The following CRMP1 variants were observed in gnomAD, a reference collection of about 807,000 sequenced individuals.
CRMP1 encodes dihydropyrimidinase-related protein 1.
In CRMP1, 19 loss-of-function variants were observed where a neutral mutation model predicts 68.3. That is an observed-to-expected ratio of 0.28 (90% CI 0.19 to 0.41). CRMP1 has a LOEUF of 0.41. Ranked by LOEUF, CRMP1 falls within the 10% of genes least tolerant of loss-of-function variation. The pLI is 1.00. For missense variants in CRMP1, 791 were observed against 967.4 expected, an observed-to-expected ratio of 0.82 and a Z score of 2.42; for synonymous variants, 439 against 399.6, an observed-to-expected ratio of 1.10 and a Z score of -1.18.
chr4:5,829,330 A>AG (rs1560485620), intron 11 of CRMP1, among the ~76,000 whole-genome samples: 1 of 152,166 alleles, frequency 6.6e-6, no homozygotes, highest in East Asian at 1.9e-4. Flanking sequence ...TGGAGGTTGC[A>AG]GTGAGCCGAG....
chr4:5,861,173 T>TCACTC lies in CRMP1; in HGVS notation c.503_507dup (p.Lys170GlufsTer2). On this transcript the variant is annotated frameshift_variant, in exon 3 of 14. Coordinates refer to ENST00000324989, the MANE Select transcript of CRMP1 (RefSeq NM_001014809.3). LOFTEE classifies it high-confidence loss of function. This position sits in a 1 kb window ranked among gnomAD's most constrained non-coding sequence, Gnocchi z 6.0. ...ATCCGCCCGTTGGCTTCAATGGTCT[T>TCACTC]CACTCCACCAGGAACGATTAAGTTC... is the stretch of plus-strand genomic sequence containing the variant. 1 of 1,614,182 alleles carries TCACTC rather than the reference T, an allele frequency of 6.2e-7. No homozygotes were observed.
At position 5,890,424 on chromosome 4, in the gene CRMP1, C is replaced by CG. The variant is rs35389240; in HGVS notation, c.381+2164dup. On this transcript the variant is annotated intron_variant, in intron 1 of 13. Transcript: ENST00000324989. The surrounding 1 kb of genome is among the most constrained non-coding windows in gnomAD (Gnocchi z 5.5). ...GCAGCCCAGGGAGAAGCCTGGTGGG[C>CG]GGGGGGGGAAGGGCCGGGGCACCCG... is the stretch of plus-strand genomic sequence containing the variant. Among the ~76,000 whole-genome samples, 537 of 151,460 alleles carry CG rather than the reference C, an allele frequency of 3.5e-3. 3 individuals carry two copies. The highest frequency in any genetic ancestry group is 0.01 in the African/African-American group (433 of 41,384).
intron 1 of CRMP1, among the ~76,000 whole-genome samples, chr4:5,868,288 T>C (rs1235481234): frequency 8.9e-6 from 1 of 112,624 alleles, no homozygotes; most frequent in Non-Finnish European, 1.8e-5. Flanking sequence ...TATATATATA[T>C]ATATATATAT....
chr4:5,836,130 C>A, intron 10 of CRMP1, 45 bp from the exon 11 acceptor site: 1 of 1,391,156 alleles, frequency 7.2e-7, no homozygotes, highest in Non-Finnish European at 9.4e-7. Context: ...CATAATGGGG[C>A]CAGGAGGAGG....
At position 5,891,777 on chromosome 4, in the gene CRMP1, TGG is replaced by T. The variant is rs1715961896; in HGVS notation, c.381+810_381+811del. ...ATCCGCCCTTCTTCCCCCAGTTTCC[TGG>T]TGACCCCCAGCTCAAGAGAGAATAC... On this transcript the variant is annotated intron_variant, in intron 1 of 13. Transcript: ENST00000324989. The surrounding 1 kb of genome is among the most constrained non-coding windows in gnomAD (Gnocchi z 5.2). 6.6e-6 allele frequency among the ~76,000 whole-genome samples: 1 copy of T among 152,190 alleles called. No individual in the cohort carries two copies. Among genetic ancestry groups the T allele is most frequent in the Non-Finnish European group, 1.5e-5 (1 of 68,042 alleles).
In CRMP1 at chr4:5,874,183, C is replaced by T. The variant is rs150318155; in HGVS notation, c.382-7427G>A. Among the ~76,000 whole-genome samples, 22 of 152,302 alleles carry T rather than the reference C, an allele frequency of 1.4e-4. No individual in the cohort carries two copies. The East Asian group carries it at 3.9e-3, about 27-fold the overall frequency. ...CAAAACAGGGTCACAAAATGATACA[C>T]AAAGATGCGATCCAGAATTAATTAC... On this transcript the variant is annotated intron_variant, in intron 1 of 13. Coordinates refer to ENST00000324989, the MANE Select transcript of CRMP1 (RefSeq NM_001014809.3).
At chr4:5,851,619 G>C (rs554953836) in intron 4 of CRMP1, 150 bp from the exon 5 acceptor site, 1 of 751,694 alleles carries the variant, frequency 1.3e-6, no homozygotes, top group East Asian at 2.6e-5. Context: ...TCCAGCCTGA[G>C]GATGTGGGCG....
chr4:5,857,895 T>A (rs1408812633), intron 3 of CRMP1, among the ~76,000 whole-genome samples: 1 of 152,106 alleles, frequency 6.6e-6, no homozygotes, highest in Non-Finnish European at 1.5e-5. Context: ...CTGCAGTCAG[T>A]CTTTTAAACC....
chr4:5,864,721 G>A (rs745339906), intron 2 of CRMP1, among the ~76,000 whole-genome samples: 2 of 152,168 alleles, frequency 1.3e-5, no homozygotes, highest in African/African-American at 4.8e-5. Context: ...GGAGTCGCAT[G>A]AGCAGGGCCC....
At position 5,821,765 on chromosome 4, in the gene CRMP1, C is replaced by G; in HGVS notation, c.2056G>C (p.Gly686Arg). The change falls in exon 14 of 14, where the codon GGT becomes CGT. Residue 686 changes from glycine to arginine, a missense_variant. Coordinates refer to ENST00000324989, the MANE Select transcript of CRMP1 (RefSeq NM_001014809.3). The surrounding 1 kb of genome is among the most constrained non-coding windows in gnomAD (Gnocchi z 4.4). Reference protein sequence around the residue: ...PGGRSNITSLG With the variant: ...PGGRSNITSLR Reference sequence around the variant, plus strand: ...GCTCCTCCGCGCATCCACGTTCAACCGAGGCTGGTGATGTTGGAGCGGCCA... The same window carrying G: ...GCTCCTCCGCGCATCCACGTTCAACGGAGGCTGGTGATGTTGGAGCGGCCA... 1.9e-6 allele frequency: 3 copies of G among 1,609,186 alleles called. No homozygotes were observed. The highest frequency in any genetic ancestry group is 2.5e-6 in the Non-Finnish European group (3 of 1,177,502).
chr4:5,871,774 C>CTCAAGAGGAGTATTCAATACTCAAT (rs1714472400), intron 1 of CRMP1, among the ~76,000 whole-genome samples: 1 of 152,214 alleles, frequency 6.6e-6, no homozygotes, highest in Admixed American at 6.5e-5. Flanking sequence ...GATACGAATA[C>CTCAAGAGGAGTATTCAATACTCAAT]TCAAGAGGAG....
chr4:5,839,319 G>A (rs1711526720), intron 9 of CRMP1, among the ~76,000 whole-genome samples: 1 of 152,224 alleles, frequency 6.6e-6, no homozygotes. Flanking sequence ...CAATTGATGT[G>A]AATGGAACAG....
chr4:5,828,513 G>A lies in CRMP1; in HGVS notation c.1779C>T (p.Tyr593=). 5.6e-6 allele frequency: 9 copies of A among 1,614,240 alleles called. No homozygotes were observed. The highest frequency in any genetic ancestry group is 7.6e-6 in the Non-Finnish European group (9 of 1,180,028). The change falls in exon 12 of 14, where the codon TAC becomes TAT. Residue 593 remains tyrosine (Y), a synonymous_variant. Transcript: ENST00000324989. ...CCTTATTCCTGATTTTGACGCGCTG[G>A]TACAGGTGCTCCGGGAACGCCTTCC... ...IPRKAFPEHL[Y]QRVKIRNKVF...
intron 1 of CRMP1, chr4:5,887,427 G>A: frequency 1.0e-6 from 1 of 985,486 alleles, no homozygotes; most frequent in Non-Finnish European, 1.2e-6. Flanking sequence ...GAACAGTCAG[G>A]CTCCACGCTG....
chr4:5,879,274 T>C lies in CRMP1; in HGVS notation c.382-12518A>G, dbSNP rs1715067467. Among the ~76,000 whole-genome samples, 1 of 152,254 alleles carries C rather than the reference T, an allele frequency of 6.6e-6. No homozygotes were observed. Among genetic ancestry groups the C allele is most frequent in the African/African-American group, 2.4e-5 (1 of 41,468 alleles). ...ATGGCCTCCCTGCAGCATGCATCTC[T>C]GGCCACATCTGCTCTGCTCATTGCT... On this transcript the variant is annotated intron_variant, in intron 1 of 13. Transcript: ENST00000324989. The surrounding 1 kb of genome is among the most constrained non-coding windows in gnomAD (Gnocchi z 4.2).
intron 9 of CRMP1, among the ~76,000 whole-genome samples, chr4:5,837,650 TAATAA>T (rs376152936): frequency 0.052 from 6,987 of 134,720 alleles, 372 homozygotes; most frequent in African/African-American, 0.13. Flanking sequence ...TAAAATAAAA[TAATAA>T]AATAAAATAA....
At chr4:5,886,637 G>A (rs1362452352) in intron 1 of CRMP1, among the ~76,000 whole-genome samples, 2 of 152,234 alleles carry the variant, frequency 1.3e-5, no homozygotes, top group Non-Finnish European at 2.9e-5. Context: ...CCTGAGAGCA[G>A]CAGAGACCTT....
At chr4:5,827,144 T>C (rs1473311149) in intron 12 of CRMP1, among the ~76,000 whole-genome samples, 2 of 152,322 alleles carry the variant, frequency 1.3e-5, no homozygotes, top group South Asian at 4.1e-4. Flanking sequence ...TCCTGCAAAT[T>C]GCTGTCTTGG....
chr4:5,857,207 AC>A (rs1427472760), intron 3 of CRMP1, among the ~76,000 whole-genome samples: 1 of 149,456 alleles, frequency 6.7e-6, no homozygotes, highest in African/African-American at 2.5e-5. Context: ...CATCATCACC[AC>A]CCCATCACCA....
Sources: gnomAD v4.1 joint callset for allele counts (sites outside exome capture counted in the v4.1 genomes callset) on GRCh38, gnomAD v4.1.1 for gene constraint, Gnocchi (gnomAD v3.1) non-coding constraint, MANE v1.5 for transcripts, NCBI Gene and HGNC (gene_info 2026-07-23, HGNC 2026-07-21) for gene names.